Variants in SRD5A1 observed in about 807,000 individuals in gnomAD.
The protein encoded by SRD5A1 is steroid 5 alpha-reductase 1.
A neutral mutation model predicts 28.2 loss-of-function variants in SRD5A1; 22 were observed. The ratio of observed to expected loss-of-function variants is 0.78; its 90% CI spans 0.56 to 1.12. The LOEUF (loss-of-function observed/expected upper bound fraction) is 1.12. Among genes scored for constraint, SRD5A1 ranks in the 50% most tolerant of loss-of-function variants. The probability of loss-of-function intolerance (pLI) is 0.00; values close to 1 mark genes in which losing one functional copy is unlikely to be tolerated. For synonymous variants in SRD5A1, 151 were observed against 135.0 expected, an observed-to-expected ratio of 1.12 and a Z score of -0.82; for missense variants, 300 against 346.7, an observed-to-expected ratio of 0.87 and a Z score of 1.07.
At chr5:6,652,220 C>T (rs992210336) in intron 2 of SRD5A1, among the ~76,000 whole-genome samples, 5 of 152,232 alleles carry the variant, frequency 3.3e-5, no homozygotes, top group Non-Finnish European at 7.3e-5. Flanking sequence ...TTCCCCCGCA[C>T]GGGCAGGCAC....
At position 6,671,425 on chromosome 5, in the gene SRD5A1, G is replaced by A. The variant is rs1739359137; in HGVS notation, c.*3157G>A. 6.6e-6 allele frequency: 1 copy of A among 152,070 alleles called. No homozygotes were observed. The highest frequency in any genetic ancestry group is 1.5e-5 in the Non-Finnish European group (1 of 68,024). 9.4% of individuals were successfully genotyped at this position (152,070 alleles called of 1,614,324 possible). A position where few individuals can be genotyped will look rare whatever the true frequency, so the allele number is the denominator to read the frequency against. Reference sequence around the variant, plus strand: ...ATATTAGTCCTTTGTCTGATGTATAGATTGTGAAGATTTTCTCCCACTCTG... The same window carrying A: ...ATATTAGTCCTTTGTCTGATGTATAAATTGTGAAGATTTTCTCCCACTCTG... On this transcript the variant is annotated 3_prime_UTR_variant, in exon 5 of 5. Transcript: ENST00000274192.
At chr5:6,646,834 G>A (rs555709576) in intron 1 of SRD5A1, among the ~76,000 whole-genome samples, 7 of 152,184 alleles carry the variant, frequency 4.6e-5, no homozygotes, top group African/African-American at 1.7e-4. Context: ...GAATTTGTTT[G>A]TTCTTGCTTC....
rs1025604965 is a variant in SRD5A1 at position 6,669,938 on chromosome 5, A to G, written c.*1670A>G. On this transcript the variant is annotated 3_prime_UTR_variant, in exon 5 of 5. Coordinates refer to ENST00000274192, the MANE Select transcript of SRD5A1 (RefSeq NM_001047.4). Reference sequence around the variant, plus strand: ...CCTGATGTGGCAGAGCAGAGAGGCCATGACAGTGCACACCCTGCGGAGACC... The same window carrying G: ...CCTGATGTGGCAGAGCAGAGAGGCCGTGACAGTGCACACCCTGCGGAGACC... The G allele has an allele frequency of 6.5e-6, 1 of 152,706 alleles. No homozygotes were observed. The highest frequency in any genetic ancestry group is 1.5e-5 in the Non-Finnish European group (1 of 68,334). 9.5% of individuals were successfully genotyped at this position (152,706 alleles called of 1,614,324 possible).
At chr5:6,639,644 T>G (rs1179342916) in intron 1 of SRD5A1, among the ~76,000 whole-genome samples, 1 of 152,252 alleles carries the variant, frequency 6.6e-6, no homozygotes, top group Non-Finnish European at 1.5e-5. Flanking sequence ...TTTGCTTGTT[T>G]ATTAATTTCG....
Position 6,633,505 on chromosome 5 carries a change from C to A in SRD5A1, c.-72C>A. On this transcript the variant is annotated 5_prime_UTR_variant, in exon 1 of 5. Coordinates refer to ENST00000274192, the MANE Select transcript of SRD5A1 (RefSeq NM_001047.4). Reference sequence around the variant, plus strand: ...GCCCCTCCGGTAGCCGCCCCTCCTGCCCCCGCGCCGCCGCCCTATATGTTG... The same window carrying A: ...GCCCCTCCGGTAGCCGCCCCTCCTGACCCCGCGCCGCCGCCCTATATGTTG... The A allele has an allele frequency of 7.2e-7, 1 of 1,383,756 alleles. No individual in the cohort carries two copies. Among genetic ancestry groups the A allele is most frequent in the Non-Finnish European group, 9.3e-7 (1 of 1,075,162 alleles). 85.7% of individuals were successfully genotyped at this position (1,383,756 alleles called of 1,614,324 possible). A position where few individuals can be genotyped will look rare whatever the true frequency, so the allele number is the denominator to read the frequency against.
intron 3 of SRD5A1, among the ~76,000 whole-genome samples, chr5:6,656,459 T>C (rs1738838893): frequency 6.6e-6 from 1 of 152,106 alleles, no homozygotes; most frequent in South Asian, 2.1e-4. Context: ...TGACGAGGAG[T>C]GTCTGACACT....
chr5:6,640,810 G>A (rs369141790), intron 1 of SRD5A1, among the ~76,000 whole-genome samples: 12 of 152,166 alleles, frequency 7.9e-5, no homozygotes, highest in African/African-American at 1.4e-4. Flanking sequence ...TTTTGTATTC[G>A]TTAGCTTGTA....
chr5:6,648,444 T>C (rs1329071870), intron 1 of SRD5A1, among the ~76,000 whole-genome samples: 1 of 152,228 alleles, frequency 6.6e-6, no homozygotes, highest in East Asian at 1.9e-4. Flanking sequence ...TCTTTTCACA[T>C]AGTACCATAT....
Position 6,651,937 on chromosome 5 carries a change from T to C in SRD5A1, c.389T>C (p.Leu130Ser). 1 of 1,614,144 alleles carries C rather than the reference T, an allele frequency of 6.2e-7. No homozygotes were observed. Among genetic ancestry groups the C allele is most frequent in the Non-Finnish European group, 8.5e-7 (1 of 1,179,976 alleles). The change falls in exon 2 of 5, where the codon TTG (leucine) becomes TCG (serine). Residue 130 changes from leucine to serine, a missense_variant. Leu to Ser is a moderately radical substitution (Grantham distance 145). Transcript: ENST00000274192. Reference sequence around the variant, plus strand: ...ATGTTCTGTACCTGTAACGGCTATTTGCAAAGCAGATACTTGAGCCATTGT... The same window carrying C: ...ATGTTCTGTACCTGTAACGGCTATTCGCAAAGCAGATACTTGAGCCATTGT... ...AIMFCTCNGY[L>S]QSRYLSHCAV...
intron 2 of SRD5A1, among the ~76,000 whole-genome samples, chr5:6,653,225 A>C: frequency 6.6e-6 from 1 of 152,150 alleles, no homozygotes; most frequent in East Asian, 1.9e-4. Flanking sequence ...CCAAGGTTTC[A>C]TCATACCTGA....
At chr5:6,653,179 C>T (rs571305401) in intron 2 of SRD5A1, among the ~76,000 whole-genome samples, 12 of 152,274 alleles carry the variant, frequency 7.9e-5, no homozygotes, top group Non-Finnish European at 1.2e-4. Context: ...TCACATTTCT[C>T]AGCCATGTTT....
At chr5:6,657,349 C>T (rs772532271) in intron 3 of SRD5A1, among the ~76,000 whole-genome samples, 1 of 152,188 alleles carries the variant, frequency 6.6e-6, no homozygotes, top group Non-Finnish European at 1.5e-5. Context: ...GGGAAGAATC[C>T]TCTCTTTGGT....
intron 1 of SRD5A1, chr5:6,644,877 G>T (rs1738463670): frequency 2.2e-6 from 1 of 456,074 alleles, no homozygotes. Context: ...CCCATTGTCT[G>T]CCCGGATCTG....
chr5:6,640,658 A>T (rs2434524), intron 1 of SRD5A1, among the ~76,000 whole-genome samples: 2 of 152,018 alleles, frequency 1.3e-5, no homozygotes, highest in Admixed American at 6.6e-5. Context: ...CACCAGGCCA[A>T]AGCCTTGTTC....
chr5:6,654,023 G>A (rs1738760716), intron 2 of SRD5A1, among the ~76,000 whole-genome samples: 1 of 152,084 alleles, frequency 6.6e-6, no homozygotes, highest in Admixed American at 6.6e-5. Flanking sequence ...TATGCCTACT[G>A]TAGTTACCAT....
At chr5:6,654,303 C>T (rs10055803) in intron 2 of SRD5A1, among the ~76,000 whole-genome samples, 52,762 of 151,934 alleles carry the variant, frequency 0.35, 9,384 homozygotes, top group Middle Eastern at 0.43. Context: ...GTGATTCACC[C>T]GCCTCAGCCT....
At chr5:6,656,550 C>A (rs764633572) in intron 3 of SRD5A1, among the ~76,000 whole-genome samples, 1 of 152,132 alleles carries the variant, frequency 6.6e-6, no homozygotes, top group Non-Finnish European at 1.5e-5. Context: ...TTTTGAAAAT[C>A]TTCTTAAACG....
At chr5:6,653,938 T>G (rs1579406646) in intron 2 of SRD5A1, among the ~76,000 whole-genome samples, 1 of 152,214 alleles carries the variant, frequency 6.6e-6, no homozygotes, top group Non-Finnish European at 1.5e-5. Context: ...AGGTTACCTT[T>G]TGTGTGTTAT....
rs1739394685 is a variant in SRD5A1, at chr5:6,672,608, A to T, written c.*4340A>T. 1 of 152,206 alleles carries T rather than the reference A, an allele frequency of 6.6e-6. No homozygotes were observed. The highest frequency in any genetic ancestry group is 2.1e-4 in the South Asian group (1 of 4,832). The allele number at this position is 152,206 out of a possible 1,614,324, so 9.4% of individuals were successfully genotyped here. A position where few individuals can be genotyped will look rare whatever the true frequency, so the allele number is the denominator to read the frequency against. On this transcript the variant is annotated 3_prime_UTR_variant, in exon 5 of 5. Coordinates refer to ENST00000274192, the MANE Select transcript of SRD5A1 (RefSeq NM_001047.4). ...GCATTATTATTTGCAAATGTTGGCT[A>T]TCCCTGCTGTTGTCTATATATCAAT... is the stretch of plus-strand genomic sequence containing the variant.
Sources: gnomAD v4.1 joint callset for allele counts (sites outside exome capture counted in the v4.1 genomes callset) on GRCh38, gnomAD v4.1.1 for gene constraint, MANE v1.5 for transcripts, NCBI Gene and HGNC (gene_info 2026-07-23, HGNC 2026-07-21) for gene names.